The following GRIN2A variants were observed in gnomAD, a reference collection of about 807,000 sequenced individuals.
The protein encoded by GRIN2A is glutamate receptor ionotropic, NMDA 2A.
Under a neutral mutation model 113.4 loss-of-function variants are expected in GRIN2A, and 22 were observed. That is an observed-to-expected ratio of 0.19 (90% CI 0.14 to 0.28). The LOEUF (loss-of-function observed/expected upper bound fraction) is 0.28. GRIN2A is among the 10% of genes least tolerant of loss of function. The pLI is 1.00. For synonymous variants in GRIN2A, 827 were observed against 738.4 expected, an observed-to-expected ratio of 1.12 and a Z score of -1.94; for missense variants, 1,502 against 1,887.0, an observed-to-expected ratio of 0.80 and a Z score of 3.78.
At chr16:9,932,972 C>T (rs977723798) in intron 3 of GRIN2A, among the ~76,000 whole-genome samples, 1 of 152,128 alleles carries the variant, frequency 6.6e-6, no homozygotes, top group African/African-American at 2.4e-5. Context: ...GTGATGGAAC[C>T]GGACACAACA....
At chr16:10,153,455 T>G (rs944479657) in intron 2 of GRIN2A, among the ~76,000 whole-genome samples, 4 of 152,200 alleles carry the variant, frequency 2.6e-5, no homozygotes, top group Non-Finnish European at 5.9e-5. Flanking sequence ...TGAAGTCATT[T>G]CAAATATGAT....
chr16:10,030,550 G>T (rs548862072), intron 2 of GRIN2A, among the ~76,000 whole-genome samples: 2 of 152,176 alleles, frequency 1.3e-5, no homozygotes, highest in African/African-American at 4.8e-5. Flanking sequence ...TCCTGGAAAG[G>T]TCTCACACAA....
intron 2 of GRIN2A, among the ~76,000 whole-genome samples, chr16:9,983,532 C>T (rs1450620181): frequency 6.6e-6 from 1 of 151,276 alleles, no homozygotes; most frequent in African/African-American, 2.4e-5. Flanking sequence ...CTTCGCCTCC[C>T]GGGTTCACAC....
intron 2 of GRIN2A, among the ~76,000 whole-genome samples, chr16:10,103,563 T>A (rs28666841): frequency 6.6e-6 from 1 of 152,190 alleles, no homozygotes; most frequent in Non-Finnish European, 1.5e-5. Context: ...CAGGGAGATA[T>A]GGGTTTAGGC....
chr16:10,117,062 A>G (rs1431074926), intron 2 of GRIN2A, among the ~76,000 whole-genome samples: 3 of 50,224 alleles, frequency 6.0e-5, no homozygotes, highest in East Asian at 3.4e-4. Context: ...CAAGTGACTG[A>G]AAAAAAAAAA....
At chr16:9,940,252 A>G (rs1376365774) in intron 2 of GRIN2A, among the ~76,000 whole-genome samples, 2 of 152,164 alleles carry the variant, frequency 1.3e-5, no homozygotes, top group Non-Finnish European at 2.9e-5. Flanking sequence ...TCTGAAATGC[A>G]TGGGTTTGGG....
chr16:9,870,634 T>C (rs71379059), intron 4 of GRIN2A, among the ~76,000 whole-genome samples: 23,210 of 150,918 alleles, frequency 0.15, 2,446 homozygotes, highest in Middle Eastern at 0.29. Context: ...TTTTCTTTTT[T>C]TTTTTTTTTT....
At chr16:10,179,893 C>CCCAAAACAAAAAAAA (rs2142386524) in intron 2 of GRIN2A, 105 bp downstream of exon 2, 5 of 719,806 alleles carry the variant, frequency 6.9e-6, no homozygotes, top group African/African-American at 1.8e-5. Flanking sequence ...CCCCCACCCC[C>CCCAAAACAAAAAAAA]ACTTCACATC....
intron 3 of GRIN2A, among the ~76,000 whole-genome samples, chr16:9,910,534 G>T (rs35775355): frequency 3.6e-5 from 5 of 138,812 alleles, no homozygotes; most frequent in Admixed American, 7.2e-5. Flanking sequence ...AAGTCTCAGA[G>T]TTCTTTTTTT....
chr16:9,776,284 T>A (rs1450303445), intron 11 of GRIN2A, among the ~76,000 whole-genome samples: 1 of 151,366 alleles, frequency 6.6e-6, no homozygotes, highest in African/African-American at 2.4e-5. Context: ...CTGGATTTTT[T>A]TTTTTTTTTT....
At chr16:9,930,537 A>G (rs986035492) in intron 3 of GRIN2A, among the ~76,000 whole-genome samples, 1 of 152,164 alleles carries the variant, frequency 6.6e-6, no homozygotes, top group African/African-American at 2.4e-5. Context: ...CAGAGTCCCA[A>G]TCAGATGTAC....
At chr16:9,769,340 G>GAGAGC (rs1323349415) in intron 11 of GRIN2A, 140 of 186,986 alleles carry the variant, frequency 7.5e-4, no homozygotes, top group African/African-American at 3.0e-3. Context: ...TATATAGAGA[G>GAGAGC]AGAGTATAGC....
intron 10 of GRIN2A, among the ~76,000 whole-genome samples, chr16:9,801,110 AT>A (rs1181492861): frequency 1.3e-5 from 2 of 152,140 alleles, no homozygotes; most frequent in African/African-American, 4.8e-5. Context: ...CAGCTGTGGT[AT>A]TCTAAGATTG....
chr16:10,131,965 TCTC>T (rs2049073491), intron 2 of GRIN2A, among the ~76,000 whole-genome samples: 2 of 152,120 alleles, frequency 1.3e-5, no homozygotes, highest in African/African-American at 4.8e-5. Context: ...CCACCATTAT[TCTC>T]CTCTAAGCTC....
chr16:9,974,261 C>T (rs1451571088), intron 2 of GRIN2A, among the ~76,000 whole-genome samples: 2 of 152,084 alleles, frequency 1.3e-5, no homozygotes, highest in African/African-American at 4.8e-5. Flanking sequence ...GGAACCAGAC[C>T]CAAAACCAAG....
chr16:10,115,480 G>C (rs985143666), intron 2 of GRIN2A, among the ~76,000 whole-genome samples: 13 of 152,216 alleles, frequency 8.5e-5, no homozygotes, highest in African/African-American at 3.1e-4. Context: ...AGGATAAGCA[G>C]AGCATCCATC....
intron 2 of GRIN2A, among the ~76,000 whole-genome samples, chr16:9,983,446 T>TC (rs1432556739): frequency 6.6e-6 from 1 of 151,468 alleles, no homozygotes; most frequent in African/African-American, 2.4e-5. Context: ...TTTATTCTTT[T>TC]TTTTTTTTTT....
chr16:9,845,470 G>T (rs2042755842), intron 5 of GRIN2A, among the ~76,000 whole-genome samples: 1 of 152,130 alleles, frequency 6.6e-6, no homozygotes, highest in South Asian at 2.1e-4. Context: ...ACTGAAGTTA[G>T]ACTCTGCTTT....
intron 2 of GRIN2A, among the ~76,000 whole-genome samples, chr16:9,959,333 C>T (rs2173685): frequency 2.0e-5 from 3 of 151,966 alleles, no homozygotes; most frequent in African/African-American, 2.4e-5. Context: ...AAACCTAGAG[C>T]GAAATTATGA....
Sources: gnomAD v4.1 joint callset for allele counts (sites outside exome capture counted in the v4.1 genomes callset) on GRCh38, gnomAD v4.1.1 for gene constraint, MANE v1.5 for transcripts, NCBI Gene and HGNC (gene_info 2026-07-23, HGNC 2026-07-21) for gene names.